The following DLEC1 variants were observed in gnomAD, a reference collection of about 807,000 sequenced individuals.
DLEC1 encodes DLEC1 cilia and flagella associated protein, also known as deleted in lung and esophageal cancer protein 1.
Under a neutral mutation model 198.1 loss-of-function variants are expected in DLEC1, and 146 were observed. That is an observed-to-expected ratio of 0.74 (90% CI 0.64 to 0.85). The LOEUF is 0.85. Ranked by LOEUF, DLEC1 falls within the 40% of genes least tolerant of loss-of-function variation. DLEC1 has a pLI of 0.00. For synonymous variants in DLEC1, 897 were observed against 866.8 expected, an observed-to-expected ratio of 1.03 and a Z score of -0.61; for missense variants, 2,233 against 2,220.0, an observed-to-expected ratio of 1.01 and a Z score of -0.12.
chr3:38,098,022 G>GC (rs1699124460), intron 18 of DLEC1, 120 bp downstream of exon 18: 1 of 1,331,362 alleles, frequency 7.5e-7, no homozygotes, highest in African/African-American at 1.5e-5. Context: ...GGAAAAGCCT[G>GC]CCTGGTGACT....
At chr3:38,073,907 C>T (rs933640329) in intron 6 of DLEC1, among the ~76,000 whole-genome samples, 11 of 152,138 alleles carry the variant, frequency 7.2e-5, no homozygotes, top group Admixed American at 2.6e-4. Flanking sequence ...CTGAGGTGAT[C>T]GGGCAGCATC....
Position 38,082,468 on chromosome 3 carries a change from C to T in DLEC1, c.1174-1690C>T, listed in dbSNP as rs544369336. On this transcript the variant is annotated intron_variant, in intron 6 of 36. Coordinates refer to ENST00000308059, the MANE Select transcript of DLEC1 (RefSeq NM_007335.4). ...GCGGCTGCTCCTTGCCCTCGGGCCC[C>T]GCGGGGCCCGTCCCGGTTCGGGTGT... Among the ~76,000 whole-genome samples the T allele has an allele frequency of 2.1e-3, 322 of 152,148 alleles. 3 individuals are homozygous for T. Among genetic ancestry groups the T allele is most frequent in the African/African-American group, 6.8e-3 (282 of 41,534 alleles).
chr3:38,083,471 C>A (rs1449442569), intron 6 of DLEC1, among the ~76,000 whole-genome samples: 2 of 152,180 alleles, frequency 1.3e-5, no homozygotes, highest in African/African-American at 4.8e-5. Flanking sequence ...CAAGGATGGG[C>A]CATTTTCACT....
chr3:38,062,171 A>G lies in DLEC1; in HGVS notation c.676A>G (p.Ile226Val). 1 of 1,614,186 alleles carries G rather than the reference A, an allele frequency of 6.2e-7. No homozygotes were observed. The highest frequency in any genetic ancestry group is 8.5e-7 in the Non-Finnish European group (1 of 1,180,042). ...AGTTTGTTTCCTTGATGCTGTAGGCATCTCCCTACCTGGATGTTCAAAACT... is the reference window on the plus strand; with the variant it reads ...AGTTTGTTTCCTTGATGCTGTAGGCGTCTCCCTACCTGGATGTTCAAAACT... ...TVPFHSAPKG[I>V]SLPGCSKLTF... is the part of the protein sequence containing the mutation. Residue 226 changes from isoleucine to valine, a missense_variant and splice_region_variant, in exon 4 of 37, where the codon ATC becomes GTC. Transcript: ENST00000308059.
Position 38,084,470 on chromosome 3 carries a change from G to GGTGGTGGTAGTAGTA in DLEC1, c.1261+233_1261+234insAGTAGTAGTGGTGGT. Among the ~76,000 whole-genome samples, 2 of 750 alleles carry GGTGGTGGTAGTAGTA rather than the reference G, an allele frequency of 2.7e-3. 1 individual carries two copies. Among genetic ancestry groups the GGTGGTGGTAGTAGTA allele is most frequent in the East Asian group, 0.25 (2 of 8 alleles). The allele number at this position is 750 out of a possible 152,430, so 0.5% of individuals were successfully genotyped here. On this transcript the variant is annotated intron_variant, in intron 7 of 36. Coordinates refer to ENST00000308059, the MANE Select transcript of DLEC1 (RefSeq NM_007335.4). ...TGGTGGTGGTAGTAGTAATAGTAGT[G>GGTGGTGGTAGTAGTA]GTGGTGGTGGTAGTAGTGGTGGTAG...
At chr3:38,064,201 G>T (rs145434563) in intron 6 of DLEC1, among the ~76,000 whole-genome samples, 8,741 of 151,724 alleles carry the variant, frequency 0.058, 317 homozygotes, top group Middle Eastern at 0.12. Flanking sequence ...AGATTAGGGA[G>T]TGGTGATGAC....
In DLEC1 at chr3:38,112,266, T is replaced by C. The variant is rs762109737; in HGVS notation, c.3571T>C (p.Ser1191Pro). 11 of 1,614,162 alleles carry C rather than the reference T, an allele frequency of 6.8e-6. No homozygotes were observed. The highest frequency in any genetic ancestry group is 1.1e-5 in the South Asian group (1 of 91,088). ...GKGAAFFPHF[S>P]QGMLGPYQQL... The stretch of plus-strand genomic sequence containing the variant: ...AGGAGCTGCTTTCTTCCCTCACTTT[T>C]CCCAGGGCATGCTGGGGCCCTACCA... The change falls in exon 25 of 37, where the codon TCC becomes CCC. Residue 1191 changes from serine (S) to proline (P), a missense_variant. Ser to Pro is a moderately conservative substitution (Grantham distance 74). Transcript: ENST00000308059. This position sits in a 1 kb window ranked among gnomAD's most constrained non-coding sequence, Gnocchi z 4.8.
At chr3:38,089,554 T>A (rs1445211523) in intron 10 of DLEC1, among the ~76,000 whole-genome samples, 1 of 152,138 alleles carries the variant, frequency 6.6e-6, no homozygotes, top group African/African-American at 2.4e-5. Context: ...TCAGGCCTCA[T>A]CTACTGCTGA....
Position 38,116,518 on chromosome 3 carries a change from G to A in DLEC1, c.3922G>A (p.Val1308Met). ...DKEDRLVELL[V>M]FYGPPFPLRD... ...GGAAGACCGGCTGGTGGAGCTGCTG[G>A]TGTTTTATGGGCCACCTTTCCCGCT... Residue 1308 changes from valine to methionine, a missense_variant, in exon 28 of 37, where the codon GTG becomes ATG. Physicochemically the swap from Val to Met is conservative, Grantham distance 21. Coordinates refer to ENST00000308059, the MANE Select transcript of DLEC1 (RefSeq NM_007335.4). 1 of 1,614,138 alleles carries A rather than the reference G, an allele frequency of 6.2e-7. No homozygotes were observed. The highest frequency in any genetic ancestry group is 2.2e-5 in the East Asian group (1 of 44,876).
At chr3:38,088,261 C>T (rs1698565625) in intron 9 of DLEC1, 35 bp from the exon 10 acceptor site, 1 of 1,574,982 alleles carries the variant, frequency 6.3e-7, no homozygotes, top group Non-Finnish European at 8.7e-7. Context: ...TTTACAATGT[C>T]TTCCACACTG....
intron 2 of DLEC1, among the ~76,000 whole-genome samples, chr3:38,047,381 G>A (rs1700929333): frequency 3.3e-5 from 5 of 152,154 alleles, no homozygotes; most frequent in Middle Eastern, 3.2e-3. Context: ...ATAGATGGCT[G>A]TCTGCTATTT....
intron 6 of DLEC1, among the ~76,000 whole-genome samples, chr3:38,072,858 C>A (rs1416680057): frequency 1.3e-5 from 2 of 151,832 alleles, no homozygotes; most frequent in African/African-American, 4.8e-5. Flanking sequence ...TACCTGATAT[C>A]CTTTGGAGAA....
chr3:38,078,247 G>A (rs997775420), intron 6 of DLEC1, among the ~76,000 whole-genome samples: 6 of 152,268 alleles, frequency 3.9e-5, no homozygotes, highest in Admixed American at 6.5e-5. Flanking sequence ...AAGTATATGC[G>A]TCAGGTATGA....
At chr3:38,117,365 G>C (rs887277497) in intron 31 of DLEC1, 63 bp downstream of exon 31, 3 of 1,604,002 alleles carry the variant, frequency 1.9e-6, no homozygotes, top group Non-Finnish European at 2.6e-6. Flanking sequence ...ACCAGGCACT[G>C]GTGGAGCCAG....
rs376194404 is a variant in DLEC1 at position 38,116,609 on chromosome 3, C to T, written c.4013C>T (p.Ser1338Phe). 1.9e-6 allele frequency: 3 copies of T among 1,613,978 alleles called. No homozygotes were observed. The African/African-American group carries it at 4.0e-5, about 22-fold the overall frequency. The change falls in exon 28 of 37, where the codon TCC becomes TTC. Residue 1338 changes from serine (S) to phenylalanine (F), a missense_variant. Transcript: ENST00000308059. ...DTPEGGCLLW[S>F]PGPSSSSEFS... is the part of the protein sequence containing the mutation. ...CCTGAGGGTGGCTGCCTCCTCTGGT[C>T]CCCAGGCCCCTCCAGTTCATCGGAA...
At chr3:38,053,736 G>A (rs527350888) in intron 2 of DLEC1, among the ~76,000 whole-genome samples, 15 of 152,346 alleles carry the variant, frequency 9.8e-5, no homozygotes, top group African/African-American at 3.4e-4. Context: ...TGACGATGGC[G>A]GTTTTGTTGA....
rs1219494973 is a variant in DLEC1 at position 38,107,573 on chromosome 3, T to A, written c.2865-11T>A. On this transcript the variant is annotated splice_polypyrimidine_tract_variant and intron_variant, in intron 19 of 36. Coordinates refer to ENST00000308059, the MANE Select transcript of DLEC1 (RefSeq NM_007335.4). ...TCTAATCAGTATGCCTTTTGTTTCCTCGTGTTCCAGCTACCTTCCTGTGTA... is the reference window on the plus strand; with the variant it reads ...TCTAATCAGTATGCCTTTTGTTTCCACGTGTTCCAGCTACCTTCCTGTGTA... 3.8e-6 allele frequency: 6 copies of A among 1,590,044 alleles called. No homozygotes were observed. Among genetic ancestry groups the A allele is most frequent in the Non-Finnish European group, 5.1e-6 (6 of 1,165,984 alleles).
chr3:38,041,432 TG>T (rs1700647824), intron 1 of DLEC1, among the ~76,000 whole-genome samples: 1 of 152,244 alleles, frequency 6.6e-6, no homozygotes, highest in African/African-American at 2.4e-5. Context: ...TGTGAGCCAC[TG>T]TGCCTGGCCC....
chr3:38,081,902 C>A (rs1297840401), intron 6 of DLEC1, among the ~76,000 whole-genome samples: 2 of 145,096 alleles, frequency 1.4e-5, no homozygotes, highest in East Asian at 2.1e-4. Flanking sequence ...CTGACCCCCC[C>A]CCACCTCCCT....
Sources: allele counts gnomAD v4.1 joint callset (sites outside exome capture counted in the v4.1 genomes callset), GRCh38; gene constraint gnomAD v4.1.1; non-coding constraint Gnocchi (gnomAD v3.1); transcripts MANE v1.5; gene names NCBI Gene and HGNC (gene_info 2026-07-23, HGNC 2026-07-21).